Variants in DDX4 observed in about 807,000 individuals in gnomAD.
DDX4 encodes DEAD-box helicase 4.
A neutral mutation model predicts 100.0 loss-of-function variants in DDX4; 25 were observed. The observed-to-expected ratio is 0.25, with a 90% confidence interval of 0.18 to 0.35. The LOEUF is 0.35. DDX4 is among the 10% of genes least tolerant of loss of function. The pLI is 1.00. For synonymous variants in DDX4, 259 were observed against 275.7 expected (o/e 0.94, Z 0.60); for missense variants, 635 against 882.4 (o/e 0.72, Z 3.55).
At chr5:55,755,366 A>C (rs1284792764) in intron 3 of DDX4, among the ~76,000 whole-genome samples, 1 of 152,130 alleles carries the variant, frequency 6.6e-6, no homozygotes, top group Non-Finnish European at 1.5e-5. Flanking sequence ...TGTTTTGTTC[A>C]GGAATGGCAG....
intron 1 of DDX4, among the ~76,000 whole-genome samples, chr5:55,738,633 G>C (rs1436369062): frequency 6.6e-6 from 1 of 152,148 alleles, no homozygotes; most frequent in Admixed American, 6.5e-5. Flanking sequence ...TCAGTAAGTC[G>C]TTTGGGGACC....
chr5:55,796,803 TTTTC>T (rs1213433274), intron 17 of DDX4, among the ~76,000 whole-genome samples: 22 of 149,110 alleles, frequency 1.5e-4, no homozygotes, highest in African/African-American at 5.4e-4. Flanking sequence ...AAGACTTTTC[TTTTC>T]TTTTTTTCTT....
chr5:55,781,816 G>C (rs1487726743), intron 9 of DDX4, 118 bp from the exon 10 acceptor site: 2 of 1,109,830 alleles, frequency 1.8e-6, no homozygotes, highest in Non-Finnish European at 2.6e-6. Flanking sequence ...GAGATGGATG[G>C]GTTAAAGGAC....
Position 55,809,358 on chromosome 5 carries a change from A to T in DDX4, c.1616-4315A>T, listed in dbSNP as rs568345825. ...TTTCTGACACTCCCCAGTGAGATGA[A>T]CCCGGCACCTCAGTTGGAAATGCAG... On this transcript the variant is annotated intron_variant, in intron 18 of 21. Transcript: ENST00000505374. Among the ~76,000 whole-genome samples, 3 of 152,066 alleles carry T rather than the reference A, an allele frequency of 2.0e-5. No homozygotes were observed. In the South Asian group the frequency reaches 6.2e-4, roughly 32 times the overall value.
chr5:55,807,980 C>G (rs1464747134), intron 18 of DDX4, among the ~76,000 whole-genome samples: 1 of 152,218 alleles, frequency 6.6e-6, no homozygotes, highest in African/African-American at 2.4e-5. Context: ...ATGGTCTTTT[C>G]ACATAGTCCC....
intron 3 of DDX4, among the ~76,000 whole-genome samples, chr5:55,756,588 T>C (rs953712224): frequency 6.6e-6 from 1 of 152,192 alleles, no homozygotes; most frequent in African/African-American, 2.4e-5. Flanking sequence ...GAGCGCATAC[T>C]GAAGTCTCAT....
intron 15 of DDX4, among the ~76,000 whole-genome samples, chr5:55,790,179 G>A (rs1436054152): frequency 7.8e-6 from 1 of 128,970 alleles, no homozygotes. Flanking sequence ...GAGACTCGCT[G>A]TGTTGCCCAG....
intron 10 of DDX4, among the ~76,000 whole-genome samples, chr5:55,783,847 T>TC (rs1742082603): frequency 1.3e-5 from 2 of 152,056 alleles, no homozygotes; most frequent in African/African-American, 4.8e-5. Context: ...AGTTTTTTTT[T>TC]TTTTTTTAAT....
At chr5:55,805,515 T>C (rs979444685) in intron 18 of DDX4, among the ~76,000 whole-genome samples, 13 of 152,196 alleles carry the variant, frequency 8.5e-5, no homozygotes, top group African/African-American at 3.1e-4. Flanking sequence ...CCTAATTTAT[T>C]GAGAGTTTTT....
intron 2 of DDX4, among the ~76,000 whole-genome samples, chr5:55,740,192 C>T (rs1758897994): frequency 6.6e-6 from 1 of 152,120 alleles, no homozygotes; most frequent in Non-Finnish European, 1.5e-5. Context: ...GTTTTTGATA[C>T]AGTGTCTTGC....
chr5:55,792,223 T>C (rs1435115779), intron 16 of DDX4, among the ~76,000 whole-genome samples: 2 of 151,998 alleles, frequency 1.3e-5, no homozygotes, highest in Non-Finnish European at 2.9e-5. Flanking sequence ...TGGTTTCTTT[T>C]AGACTTAATT....
In DDX4 at chr5:55,781,132, T is replaced by A. The variant is rs779683152; in HGVS notation, c.563T>A (p.Val188Glu). 59 of 1,611,918 alleles carry A rather than the reference T, an allele frequency of 3.7e-5. No individual in the cohort carries two copies. Among genetic ancestry groups the A allele is most frequent in the Non-Finnish European group, 4.8e-5 (57 of 1,179,350 alleles). ...GGCCTTTTTGGTTCTAGAAGACCAG[T>A]ATTAAGTGGCACAGGTGAGAAATAG... ...TGGLFGSRRP[V>E]LSGTGNGDTS... The change falls in exon 9 of 22, where the codon GTA becomes GAA. Residue 188 changes from valine to glutamate, a missense_variant. By Grantham distance (121) the Val-to-Glu change is moderately radical. Around this residue, in one of 4 missense-constraint regions of DDX4, gnomAD observed 446 missense variants for 540.8 expected, o/e 0.82. Transcript: ENST00000505374.
In DDX4 at chr5:55,798,492, T is replaced by C; in HGVS notation, c.1536T>C (p.Cys512=). The change falls in exon 18 of 22, where the codon TGT becomes TGC. Residue 512 remains cysteine, a synonymous_variant. Transcript: ENST00000505374. ...CTGTTGGACAAGTGGGTGGAGCATG[T>C]AGAGATGTTCAGCAGACCGTTCTCC... is the stretch of plus-strand genomic sequence containing the variant. ...FVAVGQVGGA[C]RDVQQTVLQV... 1 of 1,613,320 alleles carries C rather than the reference T, an allele frequency of 6.2e-7. No homozygotes were observed. The highest frequency in any genetic ancestry group is 1.3e-5 in the African/African-American group (1 of 75,020).
intron 15 of DDX4, 129 bp downstream of exon 15, chr5:55,788,129 A>T: frequency 1.2e-6 from 1 of 807,214 alleles, no homozygotes; most frequent in South Asian, 2.3e-5. Context: ...TTTTTTTATT[A>T]TCTTGTTTAT....
At chr5:55,747,758 A>C (rs1433337367) in intron 3 of DDX4, among the ~76,000 whole-genome samples, 1 of 152,160 alleles carries the variant, frequency 6.6e-6, no homozygotes, top group Non-Finnish European at 1.5e-5. Context: ...TGATCCTGGC[A>C]ACCACCATCT....
chr5:55,740,884 C>G (rs1056572362), intron 2 of DDX4, among the ~76,000 whole-genome samples: 2 of 152,094 alleles, frequency 1.3e-5, no homozygotes, highest in Admixed American at 6.5e-5. Flanking sequence ...CATATTACAA[C>G]TTTTGTGGGA....
intron 3 of DDX4, among the ~76,000 whole-genome samples, chr5:55,746,511 G>A (rs1192208321): frequency 6.6e-6 from 1 of 152,018 alleles, no homozygotes; most frequent in Non-Finnish European, 1.5e-5. Flanking sequence ...CATCATCAGG[G>A]TTCCTGACAT....
chr5:55,805,699 C>T (rs968087839), intron 18 of DDX4, among the ~76,000 whole-genome samples: 6 of 152,218 alleles, frequency 3.9e-5, no homozygotes, highest in South Asian at 2.1e-4. Flanking sequence ...GGATAAGCTT[C>T]TTGATGTGCT....
At chr5:55,767,214 C>T (rs749628752) in intron 6 of DDX4, among the ~76,000 whole-genome samples, 1 of 152,018 alleles carries the variant, frequency 6.6e-6, no homozygotes, top group Non-Finnish European at 1.5e-5. Context: ...CCAAGGTGGG[C>T]GAATCACCTG....
Sources: gnomAD v4.1 joint callset for allele counts (sites outside exome capture counted in the v4.1 genomes callset) on GRCh38, gnomAD v4.1.1 for gene constraint, gnomAD v4.1.1 regional missense constraint, MANE v1.5 for transcripts, NCBI Gene and HGNC (gene_info 2026-07-23, HGNC 2026-07-21) for gene names.